Variants in CSMD2 observed in about 807,000 individuals in gnomAD.
CSMD2 encodes the protein CUB and sushi domain-containing protein 2.
A neutral mutation model predicts 398.5 loss-of-function variants in CSMD2; 130 were observed. The observed-to-expected ratio is 0.33, with a 90% CI of 0.28 to 0.38. The LOEUF (loss-of-function observed/expected upper bound fraction) is 0.38, where lower values mean the gene tolerates loss of function less well. Among genes scored for constraint, CSMD2 ranks in the 10% least tolerant of loss-of-function variants. The pLI is 1.00. For synonymous variants in CSMD2, 1,828 were observed against 1,908.5 expected (o/e 0.96, Z 1.10); for missense variants, 3,829 against 4,764.9 (o/e 0.80, Z 5.78).
At chr1:33,612,682 GTTT>G (rs36051513) in intron 40 of CSMD2, among the ~76,000 whole-genome samples, 12 of 132,132 alleles carry the variant, frequency 9.1e-5, no homozygotes, top group Admixed American at 1.5e-4. Context: ...TTTTGTGATG[GTTT>G]TTTTTTTTTT....
intron 15 of CSMD2, among the ~76,000 whole-genome samples, chr1:33,731,066 T>C (rs1474835450): frequency 1.3e-5 from 2 of 152,202 alleles, no homozygotes; most frequent in African/African-American, 4.8e-5. Flanking sequence ...CACTAGCCAA[T>C]GACACAATTT....
chr1:33,729,781 A>C (rs1646662947), intron 15 of CSMD2, among the ~76,000 whole-genome samples: 1 of 152,192 alleles, frequency 6.6e-6, no homozygotes, highest in Admixed American at 6.5e-5. Flanking sequence ...TTTCTCATCC[A>C]TCAGATAGGC....
intron 2 of CSMD2, among the ~76,000 whole-genome samples, chr1:34,033,286 A>C (rs1486165785): frequency 1.3e-5 from 2 of 152,262 alleles, no homozygotes; most frequent in African/African-American, 4.8e-5. Flanking sequence ...GGATCAATAG[A>C]TGGAATCATA....
At chr1:33,939,302 C>T (rs113040794) in intron 3 of CSMD2, among the ~76,000 whole-genome samples, 2 of 152,110 alleles carry the variant, frequency 1.3e-5, no homozygotes, top group Non-Finnish European at 2.9e-5. Context: ...TCCCATGATG[C>T]CCTGCTGCTG....
intron 22 of CSMD2, among the ~76,000 whole-genome samples, chr1:33,705,147 T>C (rs1280670367): frequency 6.6e-6 from 1 of 152,158 alleles, no homozygotes; most frequent in African/African-American, 2.4e-5. Context: ...TAGCTGAATA[T>C]ATTCATGCAG....
At chr1:33,852,572 TC>T (rs1638790700) in intron 5 of CSMD2, among the ~76,000 whole-genome samples, 1 of 152,222 alleles carries the variant, frequency 6.6e-6, no homozygotes, top group African/African-American at 2.4e-5. Flanking sequence ...ACTAAATATT[TC>T]CTTTCCTCTA....
rs1021605893 is a variant in CSMD2 at position 33,635,466 on chromosome 1, G to A, written c.4970-136C>T. 1 of 584,768 alleles carries A rather than the reference G, an allele frequency of 1.7e-6. No individual in the cohort carries two copies. Among genetic ancestry groups the A allele is most frequent in the Non-Finnish European group, 3.1e-6 (1 of 327,706 alleles). The allele number at this position is 584,768 out of a possible 1,614,324, so 36.2% of individuals were successfully genotyped here. On this transcript the variant is annotated intron_variant, in intron 30 of 70. Transcript: ENST00000373381. This position sits in a 1 kb window ranked among gnomAD's most constrained non-coding sequence, Gnocchi z 5.0. Reference sequence around the variant, plus strand: ...GTGGGCAGGCCCTAGCTTGGAGAAGGCAAGTCCTGCGGACCCTGCCCTGCC... The same window carrying A: ...GTGGGCAGGCCCTAGCTTGGAGAAGACAAGTCCTGCGGACCCTGCCCTGCC...
rs2641954 is a variant in CSMD2 at position 33,537,768 on chromosome 1, G to A, written c.9632-159C>T. On this transcript the variant is annotated intron_variant, in intron 60 of 70. Transcript: ENST00000373381. This position sits in a 1 kb window ranked among gnomAD's most constrained non-coding sequence, Gnocchi z 4.6. The stretch of plus-strand genomic sequence containing the variant: ...CCAGGTAGGTGCTTCCACCTGCTGC[G>A]GTGCTGCTGCTGATGGGGGCTTCCT... Among the ~76,000 whole-genome samples the A allele has an allele frequency of 0.35, 53,641 of 152,134 alleles. 9,578 individuals are homozygous for A. Among genetic ancestry groups the A allele is most frequent in the Middle Eastern group, 0.43 (127 of 292 alleles).
At chr1:33,751,536 G>A (rs968834588) in intron 13 of CSMD2, among the ~76,000 whole-genome samples, 1 of 152,148 alleles carries the variant, frequency 6.6e-6, no homozygotes, top group African/African-American at 2.4e-5. Context: ...ACACAGCAAG[G>A]GTACATAGAC....
At chr1:34,158,673 G>C (rs539044607) in intron 1 of CSMD2, among the ~76,000 whole-genome samples, 1 of 152,316 alleles carries the variant, frequency 6.6e-6, no homozygotes, top group Admixed American at 6.5e-5. Context: ...CGTAGTTGTA[G>C]TAATAGTAAT....
Position 33,976,963 on chromosome 1 carries a change from T to C in CSMD2, c.518-41009A>G, listed in dbSNP as rs1017559827. On this transcript the variant is annotated intron_variant, in intron 3 of 70. Transcript: ENST00000373381. ...AGAAAAGAAGTGGCAGTTTATGGGA[T>C]ATGGGGGAGGGTGTAGGGGAAACAG... Among the ~76,000 whole-genome samples, 7 of 151,680 alleles carry C rather than the reference T, an allele frequency of 4.6e-5. No homozygotes were observed. In the East Asian group the frequency reaches 5.8e-4, roughly 13 times the overall value.
chr1:33,747,275 A>T (rs9943157), intron 13 of CSMD2, among the ~76,000 whole-genome samples: 38,366 of 152,164 alleles, frequency 0.25, 5,438 homozygotes, highest in African/African-American at 0.38. Context: ...TGCAAGCGTA[A>T]CAAATATTCC....
intron 1 of CSMD2, among the ~76,000 whole-genome samples, chr1:34,134,875 G>T (rs1046265993): frequency 7.9e-5 from 12 of 152,228 alleles, no homozygotes; most frequent in African/African-American, 2.4e-4. Flanking sequence ...CTACTTTTCT[G>T]ATTTCCATCA....
intron 33 of CSMD2, among the ~76,000 whole-genome samples, chr1:33,625,497 A>G (rs1268740699): frequency 6.6e-6 from 1 of 152,144 alleles, no homozygotes; most frequent in Non-Finnish European, 1.5e-5. Flanking sequence ...TGGACCTCCC[A>G]CAGACCTTAG....
At chr1:33,645,884 G>A (rs1181810012) in intron 29 of CSMD2, among the ~76,000 whole-genome samples, 2 of 152,226 alleles carry the variant, frequency 1.3e-5, no homozygotes, top group African/African-American at 4.8e-5. Flanking sequence ...TAACTGGGCA[G>A]GGACAGCCTG....
At chr1:34,140,699 G>A (rs1639211308) in intron 1 of CSMD2, among the ~76,000 whole-genome samples, 1 of 152,194 alleles carries the variant, frequency 6.6e-6, no homozygotes, top group South Asian at 2.1e-4. Flanking sequence ...GTACCAAGCA[G>A]GGACAGGATT....
chr1:33,763,071 G>A (rs1379439150), intron 13 of CSMD2, among the ~76,000 whole-genome samples: 1 of 152,106 alleles, frequency 6.6e-6, no homozygotes, highest in Non-Finnish European at 1.5e-5. Flanking sequence ...AATAGCAACA[G>A]CATATGAACA....
Position 33,995,782 on chromosome 1 carries a change from CTT to C in CSMD2, c.517+36810_517+36811del, listed in dbSNP as rs963043948. 9.9e-5 allele frequency among the ~76,000 whole-genome samples: 15 copies of C among 152,226 alleles called. 1 individual carries two copies. Among genetic ancestry groups the C allele is most frequent in the Middle Eastern group, 3.2e-3 (1 of 316 alleles). ...CTTATCGCGAATAGGAAAAGCAACA[CTT>C]TTAAAATTCCAAAGTCCAGTTGTGT... is the stretch of plus-strand genomic sequence containing the variant. On this transcript the variant is annotated intron_variant, in intron 3 of 70. Transcript: ENST00000373381.
At chr1:33,774,812 C>T (rs1256687282) in intron 12 of CSMD2, among the ~76,000 whole-genome samples, 1 of 152,064 alleles carries the variant, frequency 6.6e-6, no homozygotes, top group African/African-American at 2.4e-5. Context: ...GTAGGCACAG[C>T]CCTGCGCACA....
Sources: allele counts gnomAD v4.1 joint callset (sites outside exome capture counted in the v4.1 genomes callset), GRCh38; gene constraint gnomAD v4.1.1; non-coding constraint Gnocchi (gnomAD v3.1); transcripts MANE v1.5; gene names NCBI Gene and HGNC (gene_info 2026-07-23, HGNC 2026-07-21).